CCNF: variants seen among roughly 807,000 people sequenced by gnomAD.
CCNF encodes cyclin F.
CCNF carries 30 observed loss-of-function variants against 85.4 expected under a neutral mutation model. The ratio of observed to expected loss-of-function variants is 0.35; its 90% CI spans 0.26 to 0.48. The LOEUF is 0.48. CCNF is among the 20% of genes least tolerant of loss of function. The pLI is 0.99. For missense variants in CCNF, 919 were observed against 1,010.4 expected, an observed-to-expected ratio of 0.91 and a Z score of 1.23; for synonymous variants, 439 against 425.1, an observed-to-expected ratio of 1.03 and a Z score of -0.40.
At chr16:2,443,077 A>T (rs1263750139) in intron 8 of CCNF, among the ~76,000 whole-genome samples, 3 of 47,250 alleles carry the variant, frequency 6.3e-5, no homozygotes, top group Non-Finnish European at 9.3e-5. Context: ...TATATTATAG[A>T]TATATTATAT....
chr16:2,429,637 G>A, intron 1 of CCNF, 140 bp downstream of exon 1: 1 of 909,430 alleles, frequency 1.1e-6, no homozygotes, highest in Non-Finnish European at 1.4e-6. Flanking sequence ...CGGGGCGGAT[G>A]TCGCGTCCCG....
chr16:2,456,483 C>A lies in CCNF; in HGVS notation c.1886-62C>A. ...CCTGGACTTCAGGGTCCTGACCTGG[C>A]AGGGGGTCTCCCCTGATGCTTGGGT... On this transcript the variant is annotated intron_variant, in intron 16 of 16. Coordinates refer to ENST00000397066, the MANE Select transcript of CCNF (RefSeq NM_001761.3). This position sits in a 1 kb window ranked among gnomAD's most constrained non-coding sequence, Gnocchi z 4.5. 2 of 1,217,220 alleles carry A rather than the reference C, an allele frequency of 1.6e-6. No homozygotes were observed. Among genetic ancestry groups the A allele is most frequent in the African/African-American group, 1.5e-5 (1 of 65,900 alleles). The allele number at this position is 1,217,220 out of a possible 1,614,324, so 75.4% of individuals were successfully genotyped here. A position where few individuals can be genotyped will look rare whatever the true frequency, so the allele number is the denominator to read the frequency against.
At position 2,431,717 on chromosome 16, in the gene CCNF, A is replaced by C. The variant is rs564803492; in HGVS notation, c.171+433A>C. On this transcript the variant is annotated intron_variant, in intron 2 of 16. Transcript: ENST00000397066. ...AAAAAAAGGAGGGCAAAAAGGAAAC[A>C]AGGATGATATCATTACCAGATGCTT... Among the ~76,000 whole-genome samples, 4 of 151,792 alleles carry C rather than the reference A, an allele frequency of 2.6e-5. No homozygotes were observed. The South Asian group carries it at 8.3e-4, about 32-fold the overall frequency.
intron 1 of CCNF, 130 bp downstream of exon 1, chr16:2,429,627 C>A: frequency 1.1e-6 from 1 of 945,574 alleles, no homozygotes; most frequent in Non-Finnish European, 1.4e-6. Context: ...CTCTTTAACC[C>A]GGGGCGGATG....
Position 2,453,754 on chromosome 16 carries a change from T to C in CCNF, c.1715+217T>C, listed in dbSNP as rs1256814318. ...CCCAGGTCTCCTTCCTCAGAGGCTATTGCCTCTCGCTCTGACTGGGCTCCC... is the reference window on the plus strand; with the variant it reads ...CCCAGGTCTCCTTCCTCAGAGGCTACTGCCTCTCGCTCTGACTGGGCTCCC... On this transcript the variant is annotated intron_variant, in intron 15 of 16. Transcript: ENST00000397066. The surrounding 1 kb of genome is among the most constrained non-coding windows in gnomAD (Gnocchi z 5.6). Among the ~76,000 whole-genome samples, 2 of 152,162 alleles carry C rather than the reference T, an allele frequency of 1.3e-5. No homozygotes were observed. Among genetic ancestry groups the C allele is most frequent in the African/African-American group, 4.8e-5 (2 of 41,410 alleles).
In CCNF at chr16:2,456,927, G is replaced by A. The variant is rs553172969; in HGVS notation, c.2268G>A (p.Pro756=). ...SCLQCRPPSP[P]ESSVPQQQVK... is the part of the protein sequence containing the mutation. ...TACAGTGTCGTCCCCCAAGTCCCCC[G>A]GAGAGCAGTGTTCCCCAGCAACAGG... The change falls in exon 17 of 17, where the codon CCG becomes CCA. Residue 756 remains proline (P), a synonymous_variant. Coordinates refer to ENST00000397066, the MANE Select transcript of CCNF (RefSeq NM_001761.3). This position sits in a 1 kb window ranked among gnomAD's most constrained non-coding sequence, Gnocchi z 4.5. 9 of 1,614,064 alleles carry A rather than the reference G, an allele frequency of 5.6e-6. No individual in the cohort carries two copies. Among genetic ancestry groups the A allele is most frequent in the East Asian group, 4.5e-5 (2 of 44,880 alleles).
At chr16:2,449,694 C>T in intron 12 of CCNF, 134 bp from the exon 13 acceptor site, 1 of 740,672 alleles carries the variant, frequency 1.4e-6, no homozygotes, top group Non-Finnish European at 2.3e-6. Flanking sequence ...CCCTGAGCTC[C>T]AAGAAACTCC....
At chr16:2,444,081 G>A (rs1411105930) in intron 9 of CCNF, among the ~76,000 whole-genome samples, 7 of 151,308 alleles carry the variant, frequency 4.6e-5, no homozygotes, top group Non-Finnish European at 4.4e-5. Flanking sequence ...CACCATGCCC[G>A]GCTAATTTTT....
Position 2,451,611 on chromosome 16 carries a change from C to T in CCNF, c.1488-1599C>T, listed in dbSNP as rs2065395611. On this transcript the variant is annotated intron_variant, in intron 13 of 16. Coordinates refer to ENST00000397066, the MANE Select transcript of CCNF (RefSeq NM_001761.3). The surrounding 1 kb of genome is among the most constrained non-coding windows in gnomAD (Gnocchi z 4.3). ...GGGGGCCCAGGCTGGAGTGCAGTGG[C>T]ACCATCCTAGCTCACTGCAGCCCTG... is the stretch of plus-strand genomic sequence containing the variant. Among the ~76,000 whole-genome samples the T allele has an allele frequency of 6.6e-6, 1 of 152,106 alleles. No individual in the cohort carries two copies. Among genetic ancestry groups the T allele is most frequent in the South Asian group, 2.1e-4 (1 of 4,832 alleles).
intron 13 of CCNF, among the ~76,000 whole-genome samples, chr16:2,450,260 G>A (rs2065387012): frequency 1.3e-5 from 2 of 150,576 alleles, no homozygotes; most frequent in African/African-American, 4.9e-5. Flanking sequence ...AGCACTTTGG[G>A]AGGCCAAAGC....
rs575579611 is a variant in CCNF at position 2,449,591 on chromosome 16, G to C, written c.1399+129G>C. ...TTCTTGGGGGGTGAGATACAGCACGGCTCCTACCTTCAGTGATGTCCCAGA... is the reference window on the plus strand; with the variant it reads ...TTCTTGGGGGGTGAGATACAGCACGCCTCCTACCTTCAGTGATGTCCCAGA... On this transcript the variant is annotated intron_variant, in intron 12 of 16. Coordinates refer to ENST00000397066, the MANE Select transcript of CCNF (RefSeq NM_001761.3). 1.0e-4 allele frequency: 95 copies of C among 924,424 alleles called. No homozygotes were observed. The South Asian group carries it at 1.6e-3, about 16-fold the overall frequency. 57.3% of individuals were successfully genotyped at this position (924,424 alleles called of 1,614,324 possible).
At chr16:2,454,879 G>T (rs921374515) in intron 15 of CCNF, among the ~76,000 whole-genome samples, 3 of 152,086 alleles carry the variant, frequency 2.0e-5, no homozygotes, top group African/African-American at 7.2e-5. Context: ...GCCCATCATG[G>T]TGAAACCCCG....
chr16:2,455,810 C>T (rs2065424195), intron 16 of CCNF, among the ~76,000 whole-genome samples: 1 of 152,192 alleles, frequency 6.6e-6, no homozygotes. Flanking sequence ...CACACCTATC[C>T]GGCTCCTGCT....
chr16:2,436,872 CT>C (rs1201020596), intron 4 of CCNF: 1 of 321,112 alleles, frequency 3.1e-6, no homozygotes, highest in Non-Finnish European at 5.7e-6. Context: ...TCTCCTTCCC[CT>C]GACCTTCAGA....
At position 2,457,932 on chromosome 16, in the gene CCNF, G is replaced by C. The variant is rs1285927455; in HGVS notation, c.*912G>C. ...AGCCAGAAAAAACTTCAAGTCCTCT[G>C]TAACATCTGAGGTGACCAAGAGGCA... is the stretch of plus-strand genomic sequence containing the variant. On this transcript the variant is annotated 3_prime_UTR_variant, in exon 17 of 17. Transcript: ENST00000397066. 6.6e-6 allele frequency: 1 copy of C among 152,258 alleles called. No homozygotes were observed. The highest frequency in any genetic ancestry group is 1.5e-5 in the Non-Finnish European group (1 of 68,056). The allele number at this position is 152,258 out of a possible 1,614,324, so 9.4% of individuals were successfully genotyped here.
rs980502676 is a variant in CCNF, at chr16:2,451,787, C to A, written c.1488-1423C>A. ...CTTCGGCTTCCTGCCCTAGGCCATG[C>A]GGCCTAGGTGTTGGTCTCCCTTCCC... On this transcript the variant is annotated intron_variant, in intron 13 of 16. Transcript: ENST00000397066. This position sits in a 1 kb window ranked among gnomAD's most constrained non-coding sequence, Gnocchi z 4.3. Among the ~76,000 whole-genome samples the A allele has an allele frequency of 6.6e-6, 1 of 152,188 alleles. No individual in the cohort carries two copies. Among genetic ancestry groups the A allele is most frequent in the Admixed American group, 6.5e-5 (1 of 15,280 alleles).
intron 12 of CCNF, 22 bp downstream of exon 12, chr16:2,449,484 G>T (rs753737392): frequency 2.5e-6 from 4 of 1,589,390 alleles, no homozygotes; most frequent in Non-Finnish European, 3.4e-6. Context: ...CCCTTCCCAG[G>T]GATGCCTGTG....
At chr16:2,439,898 G>T in intron 8 of CCNF, 72 bp downstream of exon 8, 1 of 1,321,352 alleles carries the variant, frequency 7.6e-7, no homozygotes, top group Non-Finnish European at 1.1e-6. Context: ...GACTATCTGG[G>T]CTCCCACATT....
intron 11 of CCNF, 64 bp downstream of exon 11, chr16:2,449,042 G>GGGGGGGCCCC: frequency 2.9e-6 from 2 of 683,564 alleles, no homozygotes; most frequent in Non-Finnish European, 5.5e-6. Context: ...GTGGGGGTGG[G>GGGGGGGCCCC]CATTCAGCTT....
Sources: allele counts gnomAD v4.1 joint callset (sites outside exome capture counted in the v4.1 genomes callset), GRCh38; gene constraint gnomAD v4.1.1; non-coding constraint Gnocchi (gnomAD v3.1); transcripts MANE v1.5; gene names NCBI Gene and HGNC (gene_info 2026-07-23, HGNC 2026-07-21).